ASB14: variants seen among roughly 807,000 people sequenced by gnomAD.
ASB14 encodes ankyrin repeat and SOCS box protein 14.
A neutral mutation model predicts 55.6 loss-of-function variants in ASB14; 63 were observed. The observed-to-expected ratio is 1.13, with a 90% CI of 0.92 to 1.40. The LOEUF is 1.40. ASB14 is among the 40% of genes most tolerant of loss of function. The pLI, the probability that ASB14 is intolerant of heterozygous loss-of-function variation, is 0.00. For synonymous variants in ASB14, 256 were observed against 259.9 expected (o/e 0.98, Z 0.15); for missense variants, 724 against 710.4 (o/e 1.02, Z -0.22).
chr3:57,279,244 C>T (rs1229281521), intron 7 of ASB14, among the ~76,000 whole-genome samples: 2 of 144,688 alleles, frequency 1.4e-5, no homozygotes, highest in African/African-American at 5.2e-5. Context: ...CTAGTTCTTC[C>T]TAGTTGGTCA....
chr3:57,285,348 G>A (rs959065912), intron 5 of ASB14, among the ~76,000 whole-genome samples: 2 of 152,092 alleles, frequency 1.3e-5, no homozygotes, highest in African/African-American at 4.8e-5. Context: ...CTTCTCCAGA[G>A]GGATCCTTTA....
chr3:57,283,472 A>G (rs1186410390), intron 5 of ASB14, 33 bp from the exon 6 acceptor site: 21 of 1,541,926 alleles, frequency 1.4e-5, no homozygotes, highest in Middle Eastern at 2.0e-4. Context: ...GGCATGTTCA[A>G]CGGGAAGTTA....
chr3:57,269,458 C>A lies in ASB14; in HGVS notation c.*183G>T. On this transcript the variant is annotated 3_prime_UTR_variant, in exon 11 of 11. Transcript: ENST00000487349. ...TACATATTTATGACAGAAGAAGTGG[C>A]TCTCAAGAATGTATCTTAACTGCAT... The A allele has an allele frequency of 7.6e-7, 1 of 1,321,072 alleles. No homozygotes were observed. The allele number at this position is 1,321,072 out of a possible 1,614,324, so 81.8% of individuals were successfully genotyped here. A position where few individuals can be genotyped will look rare whatever the true frequency, so the allele number is the denominator to read the frequency against.
At chr3:57,284,693 G>C (rs559060754) in intron 5 of ASB14, among the ~76,000 whole-genome samples, 1 of 152,160 alleles carries the variant, frequency 6.6e-6, no homozygotes, top group East Asian at 1.9e-4. Flanking sequence ...ATTTTTCTAC[G>C]CACAAGACAA....
intron 6 of ASB14, 103 bp downstream of exon 6, chr3:57,283,091 G>C: frequency 1.4e-6 from 2 of 1,391,106 alleles, no homozygotes; most frequent in Middle Eastern, 1.8e-4. Flanking sequence ...ATTTATATTA[G>C]GCTTAAATGT....
chr3:57,284,938 G>GTT (rs1227123964), intron 5 of ASB14, among the ~76,000 whole-genome samples: 13 of 61,676 alleles, frequency 2.1e-4, no homozygotes, highest in African/African-American at 3.7e-4. Context: ...AATTTTCAGT[G>GTT]TTGTTTTTTT....
At chr3:57,284,858 A>G (rs545839611) in intron 5 of ASB14, among the ~76,000 whole-genome samples, 7 of 151,876 alleles carry the variant, frequency 4.6e-5, no homozygotes, top group Non-Finnish European at 1.0e-4. Flanking sequence ...GCAAAGCGTT[A>G]GCATCTTGGG....
At chr3:57,270,993 T>C (rs1265407916) in intron 10 of ASB14, 1 of 152,172 alleles carries the variant, frequency 6.6e-6, no homozygotes. Context: ...ATAGAAATTA[T>C]GTTTTCATGT....
chr3:57,284,094 A>ATATGTGTGTGTGTGTG (rs1553640085), intron 5 of ASB14, among the ~76,000 whole-genome samples: 1 of 136,488 alleles, frequency 7.3e-6, no homozygotes, highest in Non-Finnish European at 1.5e-5. Flanking sequence ...AACACTGTGT[A>ATATGTGTGTGTGTGTG]TGTGTGTGTG....
chr3:57,272,513 A>G (rs539888502), intron 10 of ASB14: 6 of 152,316 alleles, frequency 3.9e-5, no homozygotes, highest in African/African-American at 1.4e-4. Flanking sequence ...ATATCTAGGA[A>G]CCATATTATT....
intron 5 of ASB14, among the ~76,000 whole-genome samples, chr3:57,286,541 G>A (rs139346465): frequency 2.6e-5 from 4 of 152,070 alleles, no homozygotes; most frequent in Admixed American, 6.5e-5. Flanking sequence ...TATCCATCTC[G>A]CTATTCAATC....
chr3:57,278,669 G>C lies in ASB14; in HGVS notation c.1139C>G (p.Ala380Gly). Residue 380 changes from alanine to glycine, a missense_variant, in exon 8 of 11, where the codon GCT (alanine) becomes GGT (glycine). Ala to Gly is a moderately conservative substitution (Grantham distance 60). Coordinates refer to ENST00000487349, the MANE Select transcript of ASB14 (RefSeq NM_001142733.3). ...SSVKLLLSAGALPNQDPVNCL... is the reference protein window; with the variant it reads ...SSVKLLLSAGGLPNQDPVNCL... The stretch of plus-strand genomic sequence containing the variant: ...GTTAACCGGGTCTTGATTAGGCAGA[G>C]CTCCAGCACTCAGAAGCAGCTTGAC... 6.2e-7 allele frequency: 1 copy of C among 1,614,224 alleles called. No individual in the cohort carries two copies. The highest frequency in any genetic ancestry group is 8.5e-7 in the Non-Finnish European group (1 of 1,180,040).
At chr3:57,284,211 T>C (rs147496354) in intron 5 of ASB14, among the ~76,000 whole-genome samples, 11 of 151,680 alleles carry the variant, frequency 7.3e-5, no homozygotes, top group African/African-American at 2.7e-4. Context: ...CCTGCAGCCT[T>C]GAACTGCTGG....
At position 57,280,340 on chromosome 3, in the gene ASB14, G is replaced by T; in HGVS notation, c.849C>A (p.His283Gln). The T allele has an allele frequency of 2.6e-6, 4 of 1,550,804 alleles. No homozygotes were observed. Among genetic ancestry groups the T allele is most frequent in the Non-Finnish European group, 3.5e-6 (4 of 1,146,390 alleles). ...TGTCAGCTGCCACATGGATGGGCAGGTGGCCTGAATTCTTAGGGATGTTGG... is the reference window on the plus strand; with the variant it reads ...TGTCAGCTGCCACATGGATGGGCAGTTGGCCTGAATTCTTAGGGATGTTGG... ...ADANIPKNSG[H>Q]LPIHVAADRG... Residue 283 changes from histidine to glutamine, a missense_variant, in exon 7 of 11, where the codon CAC becomes CAA. Transcript: ENST00000487349.
At position 57,269,184 on chromosome 3, in the gene ASB14, A is replaced by G. The variant is rs1259974827; in HGVS notation, c.*457T>C. ...TTTAGCAAAGATGAATTGGACAGGG[A>G]TGGAGAAAAGGGCTGGAGAGGGGAA... On this transcript the variant is annotated 3_prime_UTR_variant, in exon 11 of 11. Transcript: ENST00000487349. 1.2e-5 allele frequency: 2 copies of G among 166,242 alleles called. No homozygotes were observed. The highest frequency in any genetic ancestry group is 2.6e-5 in the Non-Finnish European group (2 of 77,498). The allele number at this position is 166,242 out of a possible 1,614,324, so 10.3% of individuals were successfully genotyped here. A position where few individuals can be genotyped will look rare whatever the true frequency, so the allele number is the denominator to read the frequency against.
chr3:57,280,248 T>A, intron 7 of ASB14, 54 bp downstream of exon 7: 7 of 1,133,942 alleles, frequency 6.2e-6, no homozygotes, highest in South Asian at 4.0e-5. Context: ...CAGCACAAAA[T>A]AAAAGGTAGC....
At chr3:57,279,087 A>C in intron 7 of ASB14, 167 bp from the exon 8 acceptor site, 1 of 650,242 alleles carries the variant, frequency 1.5e-6, no homozygotes, top group Non-Finnish European at 2.6e-6. Flanking sequence ...CTCAGATACC[A>C]AGTAAAATTG....
chr3:57,288,282 C>A lies in ASB14; in HGVS notation c.183G>T (p.Lys61Asn). ...KKIVETIEKG[K>N]EDALSHLTKY... ...TGGTTAAGTGTGACAATGCATCTTCCTTACCTATTAACGAGTCAAATGAGA... is the reference window on the plus strand; with the variant it reads ...TGGTTAAGTGTGACAATGCATCTTCATTACCTATTAACGAGTCAAATGAGA... Residue 61 changes from lysine to asparagine, a missense_variant, in exon 4 of 11, where the codon AAG becomes AAT. Lys to Asn is a moderately conservative substitution (Grantham distance 94). Transcript: ENST00000487349. 3 of 1,537,164 alleles carry A rather than the reference C, an allele frequency of 2.0e-6. No homozygotes were observed. Among genetic ancestry groups the A allele is most frequent in the African/African-American group, 1.4e-5 (1 of 73,150 alleles).
chr3:57,287,260 T>G (rs1027786915), intron 5 of ASB14, among the ~76,000 whole-genome samples: 1 of 152,220 alleles, frequency 6.6e-6, no homozygotes, highest in African/African-American at 2.4e-5. Context: ...TTGATATGTT[T>G]GGGCCACTTA....
Sources: allele counts gnomAD v4.1 joint callset (sites outside exome capture counted in the v4.1 genomes callset), GRCh38; gene constraint gnomAD v4.1.1; transcripts MANE v1.5; gene names NCBI Gene and HGNC (gene_info 2026-07-23, HGNC 2026-07-21).